SH2B2: variants seen among roughly 807,000 people sequenced by gnomAD.
The protein encoded by SH2B2 is SH2B adaptor protein 2.
SH2B2 carries 37 observed loss-of-function variants against 35.7 expected under a neutral mutation model. That is an observed-to-expected ratio of 1.04 (90% CI 0.80 to 1.36). The LOEUF is 1.36. SH2B2 is among the 40% of genes most tolerant of loss of function. SH2B2 has a pLI of 0.00. For missense variants in SH2B2, 852 were observed against 817.7 expected (o/e 1.04, Z -0.51); for synonymous variants, 383 against 376.4 (o/e 1.02, Z -0.20).
At chr7:102,302,324 A>G (rs1276943187) in intron 2 of SH2B2, among the ~76,000 whole-genome samples, 1 of 152,206 alleles carries the variant, frequency 6.6e-6, no homozygotes, top group Non-Finnish European at 1.5e-5. Flanking sequence ...GTCTGACTCC[A>G]TGGGGCTCTG....
At chr7:102,301,317 C>T in intron 2 of SH2B2, 38 bp downstream of exon 2, 2 of 1,568,614 alleles carry the variant, frequency 1.3e-6, no homozygotes. Context: ...CTGGGGGGAC[C>T]AGAGGAGGCA....
chr7:102,293,893 C>T (rs79956797), intron 1 of SH2B2, among the ~76,000 whole-genome samples: 1 of 152,154 alleles, frequency 6.6e-6, no homozygotes, highest in Admixed American at 6.5e-5. Flanking sequence ...TGCCTGGCAC[C>T]AACTCAGCTG....
intron 4 of SH2B2, among the ~76,000 whole-genome samples, chr7:102,310,505 G>A (rs1793578714): frequency 6.6e-6 from 1 of 152,092 alleles, no homozygotes; most frequent in Non-Finnish European, 1.5e-5. Flanking sequence ...GCTGTGAACA[G>A]GAAGAGCAGC....
chr7:102,305,141 C>T (rs1793339696), intron 2 of SH2B2, among the ~76,000 whole-genome samples: 1 of 152,228 alleles, frequency 6.6e-6, no homozygotes, highest in African/African-American at 2.4e-5. Flanking sequence ...AAACAGTGAG[C>T]CCCGTTCTGA....
At chr7:102,317,541 G>A in intron 7 of SH2B2, 146 bp downstream of exon 7, 1 of 696,102 alleles carries the variant, frequency 1.4e-6, no homozygotes, top group Non-Finnish European at 2.3e-6. Flanking sequence ...ACTCACCCCA[G>A]CCATGCTCCG....
chr7:102,288,396 T>A (rs1792539885), intron 1 of SH2B2, among the ~76,000 whole-genome samples: 1 of 152,132 alleles, frequency 6.6e-6, no homozygotes, highest in South Asian at 2.1e-4. Flanking sequence ...TCCCACCAGC[T>A]ACTTCCTTAG....
At chr7:102,310,904 G>A (rs1412369272) in intron 4 of SH2B2, among the ~76,000 whole-genome samples, 3 of 152,080 alleles carry the variant, frequency 2.0e-5, no homozygotes, top group Non-Finnish European at 2.9e-5. Flanking sequence ...GGGATCCCAG[G>A]AGGAGCCCAG....
At chr7:102,285,152 C>T (rs901615674), upstream of SH2B2, 208 of 1,546,878 alleles carry the variant, frequency 1.3e-4, no homozygotes, top group Admixed American at 2.4e-4. Flanking sequence ...CTTCTTCCTC[C>T]CTGGGGATGG....
chr7:102,320,179 C>T (rs1554558023), intron 7 of SH2B2, among the ~76,000 whole-genome samples, 152 bp from the exon 8 acceptor site: 1 of 152,138 alleles, frequency 6.6e-6, no homozygotes, highest in Non-Finnish European at 1.5e-5. Context: ...CATTCCCCAT[C>T]TCCAGATGGG....
Position 102,321,289 on chromosome 7 carries a change from CT to C in SH2B2, c.1568-8del, listed in dbSNP as rs1586611579. On this transcript the variant is annotated splice_polypyrimidine_tract_variant and intron_variant, in intron 8 of 8. Transcript: ENST00000444095. ...GTCCCCACTCACGCCCTGCCGTCGC[CT>C]TGTTGCAGAGCCGGGCCCCACGCCC... 7.3e-7 allele frequency: 1 copy of C among 1,375,140 alleles called. No homozygotes were observed. Among genetic ancestry groups the C allele is most frequent in the East Asian group, 3.1e-5 (1 of 32,000 alleles). The allele number at this position is 1,375,140 out of a possible 1,614,324, so 85.2% of individuals were successfully genotyped here.
chr7:102,320,358 G>A lies in SH2B2; in HGVS notation c.1423G>A (p.Gly475Ser), dbSNP rs782800377. ...CCTGCGCCTGTCCCTGAACGGCCAC[G>A]GCCAGTGTCACGTACAGCATCTGTG... ...KHLRLSLNGH[G>S]QCHVQHLWFQ... The change falls in exon 8 of 9, where the codon GGC becomes AGC. Residue 475 changes from glycine to serine, a missense_variant. By Grantham distance (56) the Gly-to-Ser change is moderately conservative. Transcript: ENST00000444095. The A allele has an allele frequency of 2.8e-5, 45 of 1,612,594 alleles. No individual in the cohort carries two copies. The East Asian group carries it at 3.6e-4, about 13-fold the overall frequency.
upstream of SH2B2, among the ~76,000 whole-genome samples, chr7:102,285,895 C>A (rs1792427224): frequency 6.6e-6 from 1 of 152,128 alleles, no homozygotes; most frequent in Non-Finnish European, 1.5e-5. Flanking sequence ...ACACCTCTGC[C>A]CCCACCGAAG....
intron 7 of SH2B2, among the ~76,000 whole-genome samples, 175 bp downstream of exon 7, chr7:102,317,570 C>G (rs1352150776): frequency 6.6e-6 from 1 of 152,128 alleles, no homozygotes; most frequent in Non-Finnish European, 1.5e-5. Flanking sequence ...CTGCGTCCCT[C>G]CTACACATCA....
chr7:102,300,429 GC>G, intron 1 of SH2B2, 92 bp from the exon 2 acceptor site: 1 of 1,393,246 alleles, frequency 7.2e-7, no homozygotes, highest in Non-Finnish European at 9.5e-7. Context: ...CACCCACACA[GC>G]CCCAGAGAGT....
Position 102,300,657 on chromosome 7 carries a change from T to C in SH2B2, c.107T>C (p.Val36Ala). ...GAGCTGCATGCGCAGGCGGCCGCCG[T>C]GGACTTTGCGCACAAGTTCTGCCGT... ...FCELHAQAAAVDFAHKFCRFL... is the reference protein window; with the variant it reads ...FCELHAQAAAADFAHKFCRFL... The change falls in exon 2 of 9, where the codon GTG (valine) becomes GCG (alanine). Residue 36 changes from valine (V) to alanine (A), a missense_variant. Physicochemically the swap from Val to Ala is moderately conservative, Grantham distance 64. Coordinates refer to ENST00000444095, the MANE Select transcript of SH2B2 (RefSeq NM_001359228.2). 1.3e-6 allele frequency: 2 copies of C among 1,549,548 alleles called. No homozygotes were observed.
At chr7:102,320,096 G>A (rs911133623) in intron 7 of SH2B2, among the ~76,000 whole-genome samples, 1 of 152,160 alleles carries the variant, frequency 6.6e-6, no homozygotes, top group Non-Finnish European at 1.5e-5. Context: ...TAGGGCATGG[G>A]CCCATAGTGG....
chr7:102,321,507 G>T lies in SH2B2; in HGVS notation c.1776G>T (p.Ala592=). 8.7e-7 allele frequency: 1 copy of T among 1,151,274 alleles called. No homozygotes were observed. The highest frequency in any genetic ancestry group is 1.1e-6 in the Non-Finnish European group (1 of 936,020). 71.3% of individuals were successfully genotyped at this position (1,151,274 alleles called of 1,614,324 possible). A position where few individuals can be genotyped will look rare whatever the true frequency, so the allele number is the denominator to read the frequency against. ...GCCCCGTCGAGGGCCAGCTCAGCGC[G>T]CGGAGCCGCAGCAACAGCGCCGAGC... ...PPRPVEGQLS[A]RSRSNSAERL... The change falls in exon 9 of 9, where the codon GCG becomes GCT. Residue 592 remains alanine (A), a synonymous_variant. Transcript: ENST00000444095.
intron 1 of SH2B2, among the ~76,000 whole-genome samples, chr7:102,299,370 TG>T (rs1330510224): frequency 2.0e-5 from 3 of 150,222 alleles, no homozygotes; most frequent in Non-Finnish European, 4.4e-5. Flanking sequence ...AGCTAATTTT[TG>T]TATTTTTAGT....
rs1793147818 is a variant in SH2B2, at chr7:102,300,944, C to T, written c.394C>T (p.Arg132Cys). 6.7e-7 allele frequency: 1 copy of T among 1,488,254 alleles called. No homozygotes were observed. The highest frequency in any genetic ancestry group is 1.3e-5 in the South Asian group (1 of 79,534). 92.2% of individuals were successfully genotyped at this position (1,488,254 alleles called of 1,614,324 possible). The stretch of plus-strand genomic sequence containing the variant: ...GCACGCGGCCACCAAGGCCCGCGTT[C>T]GCAAGGGCTTCTCGCTGCGCAACAT... ...STHAATKARV[R>C]KGFSLRNMSL... The change falls in exon 2 of 9, where the codon CGC (arginine) becomes TGC (cysteine). Residue 132 changes from arginine to cysteine, a missense_variant. By Grantham distance (180) the Arg-to-Cys change is radical. Transcript: ENST00000444095.
Sources: allele counts gnomAD v4.1 joint callset (sites outside exome capture counted in the v4.1 genomes callset), GRCh38; gene constraint gnomAD v4.1.1; transcripts MANE v1.5; gene names NCBI Gene and HGNC (gene_info 2026-07-23, HGNC 2026-07-21).